Variants in MECOM observed in about 807,000 individuals in gnomAD.
MECOM encodes the protein histone-lysine N-methyltransferase MECOM.
A neutral mutation model predicts 116.3 loss-of-function variants in MECOM; 13 were observed. That is an observed-to-expected ratio of 0.11 (90% CI 0.07 to 0.18). The LOEUF is 0.18. Ranked by LOEUF, MECOM falls within the 10% of genes least tolerant of loss-of-function variation. The pLI is 1.00. For missense variants in MECOM, 1,299 were observed against 1,509.0 expected (o/e 0.86, Z 2.31); for synonymous variants, 528 against 535.2 (o/e 0.99, Z 0.19).
At chr3:169,509,855 C>T (rs369844692) in intron 1 of MECOM, among the ~76,000 whole-genome samples, 2 of 152,204 alleles carry the variant, frequency 1.3e-5, no homozygotes, top group East Asian at 1.9e-4. Context: ...TCTGCTTTCT[C>T]TGCCTGCTTT....
intron 1 of MECOM, among the ~76,000 whole-genome samples, chr3:169,604,966 T>A (rs534136700): frequency 6.6e-6 from 1 of 152,256 alleles, no homozygotes; most frequent in Admixed American, 6.5e-5. Context: ...GAAATTAGTA[T>A]CTCTTTCTGC....
Position 169,162,108 on chromosome 3 carries a change from C to A in MECOM, c.376-18276G>T, listed in dbSNP as rs150221921. 4.4e-3 allele frequency among the ~76,000 whole-genome samples: 677 copies of A among 152,298 alleles called. 6 individuals are homozygous for A. Among genetic ancestry groups the A allele is most frequent in the African/African-American group, 0.015 (644 of 41,578 alleles). The stretch of plus-strand genomic sequence containing the variant: ...GTGGGGCAGCAATAGATACCAAGCA[C>A]ACCAGCCACAGCTCTTTGGTGGATA... On this transcript the variant is annotated intron_variant, in intron 2 of 16. Coordinates refer to ENST00000651503, the MANE Select transcript of MECOM (RefSeq NM_004991.4).
intron 2 of MECOM, among the ~76,000 whole-genome samples, chr3:169,298,966 A>T (rs915396445): frequency 2.6e-5 from 4 of 152,216 alleles, no homozygotes; most frequent in Non-Finnish European, 4.4e-5. Flanking sequence ...ACGAATCCAG[A>T]TACCACCATG....
intron 2 of MECOM, among the ~76,000 whole-genome samples, chr3:169,281,998 C>G (rs111973190): frequency 5.5e-4 from 83 of 152,156 alleles, no homozygotes; most frequent in African/African-American, 1.9e-3. Flanking sequence ...CCTACATCCT[C>G]CTCTCTACTG....
intron 6 of MECOM, 92 bp from the exon 7 acceptor site, chr3:169,121,301 T>C (rs1334166618): frequency 4.5e-6 from 6 of 1,328,610 alleles, no homozygotes; most frequent in African/African-American, 1.5e-5. Context: ...ATTTTTCTTA[T>C]TTGTTTTGTT....
intron 1 of MECOM, among the ~76,000 whole-genome samples, chr3:169,477,567 T>C (rs1217731948): frequency 6.6e-6 from 1 of 152,222 alleles, no homozygotes; most frequent in Non-Finnish European, 1.5e-5. Context: ...TTAGCTGACT[T>C]AAACTAGAGG....
chr3:169,579,734 C>T (rs1764898975), intron 1 of MECOM, among the ~76,000 whole-genome samples: 1 of 152,168 alleles, frequency 6.6e-6, no homozygotes, highest in Non-Finnish European at 1.5e-5. Flanking sequence ...ATGAAAATGT[C>T]AGGATTCTCT....
intron 2 of MECOM, among the ~76,000 whole-genome samples, chr3:169,303,476 G>A (rs775521760): frequency 1.3e-5 from 2 of 152,138 alleles, no homozygotes; most frequent in African/African-American, 2.4e-5. Flanking sequence ...CATAACAGAC[G>A]TTGCAATATC....
Position 169,097,021 on chromosome 3 carries a change from T to C in MECOM, c.2850-1776A>G, listed in dbSNP as rs1264178329. Among the ~76,000 whole-genome samples the C allele has an allele frequency of 2.0e-5, 3 of 152,022 alleles. No individual in the cohort carries two copies. In the East Asian group the frequency reaches 5.8e-4, roughly 29 times the overall value. ...ATGACCTTCTCTGCAATAACTCTGT[T>C]TACCTCCAAGGCCCACTGCAATGAG... On this transcript the variant is annotated intron_variant, in intron 12 of 16. Transcript: ENST00000651503.
At chr3:169,336,247 G>A (rs1043304984) in intron 2 of MECOM, among the ~76,000 whole-genome samples, 3 of 151,976 alleles carry the variant, frequency 2.0e-5, no homozygotes, top group Admixed American at 6.6e-5. Context: ...AACATTTCCT[G>A]AGTACAATCT....
chr3:169,489,177 CATAA>C (rs1413479251), intron 1 of MECOM, among the ~76,000 whole-genome samples: 8 of 152,040 alleles, frequency 5.3e-5, no homozygotes, highest in Admixed American at 1.3e-4. Context: ...GAAATTGACG[CATAA>C]ATAAAGAGCA....
chr3:169,144,163 A>G (rs542703016), intron 2 of MECOM, among the ~76,000 whole-genome samples: 115 of 152,304 alleles, frequency 7.6e-4, no homozygotes, highest in Non-Finnish European at 1.1e-3. Flanking sequence ...ATATTAACAT[A>G]ATATTTCTAA....
intron 2 of MECOM, among the ~76,000 whole-genome samples, chr3:169,285,727 TC>T (rs1233129534): frequency 9.2e-5 from 14 of 152,194 alleles, no homozygotes; most frequent in Admixed American, 9.2e-4. Flanking sequence ...GGCTGCACAA[TC>T]CGTAACAAAG....
intron 1 of MECOM, among the ~76,000 whole-genome samples, chr3:169,415,929 G>T (rs1738512227): frequency 6.6e-6 from 1 of 152,062 alleles, no homozygotes. Context: ...AATAATGGGA[G>T]AATTTAATAC....
chr3:169,609,507 A>T (rs997017134), intron 1 of MECOM, among the ~76,000 whole-genome samples: 1 of 151,876 alleles, frequency 6.6e-6, no homozygotes, highest in Non-Finnish European at 1.5e-5. Context: ...CAATTTCCAA[A>T]TTACATACCA....
At chr3:169,343,323 G>A (rs1053121787) in intron 2 of MECOM, among the ~76,000 whole-genome samples, 1 of 152,158 alleles carries the variant, frequency 6.6e-6, no homozygotes, top group African/African-American at 2.4e-5. Flanking sequence ...ATGTCAGAAA[G>A]TAGCTTCAGA....
intron 1 of MECOM, among the ~76,000 whole-genome samples, chr3:169,456,178 T>C (rs1470609115): frequency 6.6e-6 from 1 of 152,218 alleles, no homozygotes; most frequent in African/African-American, 2.4e-5. Context: ...ATATCCATTC[T>C]TGGGTTCCCT....
intron 1 of MECOM, among the ~76,000 whole-genome samples, chr3:169,597,280 G>A (rs1441167974): frequency 1.3e-5 from 2 of 152,214 alleles, no homozygotes; most frequent in Non-Finnish European, 1.5e-5. Flanking sequence ...CTCAGAGGGC[G>A]AAGAGGTGTG....
At chr3:169,314,209 C>T (rs1235557484) in intron 2 of MECOM, among the ~76,000 whole-genome samples, 1 of 152,192 alleles carries the variant, frequency 6.6e-6, no homozygotes, top group Non-Finnish European at 1.5e-5. Context: ...CTTCACTGAC[C>T]ACTTCCTACG....
Sources: allele counts gnomAD v4.1 joint callset (sites outside exome capture counted in the v4.1 genomes callset), GRCh38; gene constraint gnomAD v4.1.1; transcripts MANE v1.5; gene names NCBI Gene and HGNC (gene_info 2026-07-23, HGNC 2026-07-21).